The following NAALADL2 variants were observed in gnomAD, a reference collection of about 807,000 sequenced individuals.
The protein encoded by NAALADL2 is inactive N-acetylated-alpha-linked acidic dipeptidase-like protein 2.
In NAALADL2, 76 loss-of-function variants were observed where a neutral mutation model predicts 87.2. The ratio of observed to expected loss-of-function variants is 0.87; its 90% CI spans 0.72 to 1.05. The LOEUF (loss-of-function observed/expected upper bound fraction) is 1.05, where lower values mean the gene tolerates loss of function less well. Ranked by LOEUF, NAALADL2 falls within the 50% of genes least tolerant of loss-of-function variation. The probability of loss-of-function intolerance (pLI) is 0.00; values close to 1 mark genes in which losing one functional copy is unlikely to be tolerated. For synonymous variants in NAALADL2, 354 were observed against 331.0 expected, an observed-to-expected ratio of 1.07 and a Z score of -0.75; for missense variants, 1,089 against 945.8, an observed-to-expected ratio of 1.15 and a Z score of -1.99.
intron 9 of NAALADL2, among the ~76,000 whole-genome samples, chr3:175,502,410 C>A (rs752863489): frequency 1.3e-5 from 2 of 152,218 alleles, no homozygotes; most frequent in South Asian, 4.1e-4. Context: ...TGAGGCAATG[C>A]GACAAGTAAG....
In NAALADL2 at chr3:175,501,085, A is replaced by AG. The variant is rs1208662102; in HGVS notation, c.1653+29328dup. 2.6e-5 allele frequency among the ~76,000 whole-genome samples: 4 copies of AG among 152,236 alleles called. No individual in the cohort carries two copies. In the East Asian group the frequency reaches 7.7e-4, roughly 29 times the overall value. ...TAGGATGGTTTCTGTGATAATACAT[A>AG]GAAGAGGATTTTATAGGGGTAGATT... On this transcript the variant is annotated intron_variant, in intron 9 of 13. Transcript: ENST00000454872.
intron 1 of NAALADL2, among the ~76,000 whole-genome samples, chr3:175,037,930 A>G (rs1306651115): frequency 6.6e-6 from 1 of 152,150 alleles, no homozygotes; most frequent in Non-Finnish European, 1.5e-5. Flanking sequence ...CCTGGAAGGG[A>G]AAACCAAAGG....
chr3:175,447,113 G>C (rs1051905725), intron 5 of NAALADL2, 116 bp from the exon 6 acceptor site: 1 of 626,298 alleles, frequency 1.6e-6, no homozygotes, highest in Non-Finnish European at 2.7e-6. Context: ...AGATAAACAA[G>C]TGAATGAATA....
At chr3:175,569,529 G>A (rs62288400) in intron 9 of NAALADL2, among the ~76,000 whole-genome samples, 21,575 of 152,084 alleles carry the variant, frequency 0.14, 1,689 homozygotes, top group Middle Eastern at 0.17. Context: ...TGTTATTTGT[G>A]GGTGGGGCCT....
intron 1 of NAALADL2, among the ~76,000 whole-genome samples, chr3:174,936,844 AAG>A (rs1304231462): frequency 1.3e-5 from 2 of 152,258 alleles, no homozygotes; most frequent in African/African-American, 2.4e-5. Context: ...GCTGGAGAGA[AAG>A]AGAGTTTGCA....
At chr3:174,772,909 A>G (rs1714758703) in intron 3 of NAALADL2, among the ~76,000 whole-genome samples, 1 of 152,216 alleles carries the variant, frequency 6.6e-6, no homozygotes, top group Non-Finnish European at 1.5e-5. Context: ...TAATTCTAAA[A>G]GGTGTTAAAG....
At chr3:174,540,206 G>A (rs1212717846) in intron 1 of NAALADL2, among the ~76,000 whole-genome samples, 1 of 152,100 alleles carries the variant, frequency 6.6e-6, no homozygotes, top group Non-Finnish European at 1.5e-5. Context: ...AAGCAGATGA[G>A]GCCAGGTCTG....
intron 1 of NAALADL2, among the ~76,000 whole-genome samples, chr3:174,873,348 G>A (rs546986664): frequency 4.0e-5 from 6 of 151,804 alleles, no homozygotes; most frequent in East Asian, 1.9e-4. Flanking sequence ...TCCGCCTCCC[G>A]GGTTCAAGTG....
chr3:175,494,212 TTAAC>T (rs1214465035), intron 9 of NAALADL2, among the ~76,000 whole-genome samples: 4 of 152,218 alleles, frequency 2.6e-5, no homozygotes, highest in Admixed American at 1.3e-4. Context: ...ACTTAATATA[TTAAC>T]TATTTTCCCA....
At chr3:174,549,153 T>C (rs955607533) in intron 1 of NAALADL2, among the ~76,000 whole-genome samples, 3 of 152,224 alleles carry the variant, frequency 2.0e-5, no homozygotes, top group African/African-American at 7.2e-5. Flanking sequence ...CTAATGCATG[T>C]TTTAAACTTA....
intron 8 of NAALADL2, among the ~76,000 whole-genome samples, chr3:175,470,810 G>T (rs1724751583): frequency 6.6e-6 from 1 of 152,118 alleles, no homozygotes; most frequent in South Asian, 2.1e-4. Flanking sequence ...TGTAGCTTGT[G>T]TGCATGAAAT....
At chr3:174,743,563 GTTCT>G (rs1168680452) in intron 3 of NAALADL2, among the ~76,000 whole-genome samples, 1 of 151,766 alleles carries the variant, frequency 6.6e-6, no homozygotes, top group Non-Finnish European at 1.5e-5. Flanking sequence ...GATGTCATTA[GTTCT>G]TTCTTTTCTA....
At chr3:175,393,853 G>T (rs1769396972) in intron 5 of NAALADL2, among the ~76,000 whole-genome samples, 3 of 152,084 alleles carry the variant, frequency 2.0e-5, no homozygotes, top group Admixed American at 2.0e-4. Context: ...AAATGTCTTT[G>T]GTAGCTATGT....
chr3:174,815,834 T>G (rs58679581), intron 3 of NAALADL2, among the ~76,000 whole-genome samples: 32 of 94,854 alleles, frequency 3.4e-4, no homozygotes, highest in African/African-American at 1.7e-3. Context: ...ACTTTAGTTT[T>G]TTTTTTTTTT....
intron 12 of NAALADL2, among the ~76,000 whole-genome samples, chr3:175,749,562 A>G (rs1294026411): frequency 6.6e-6 from 1 of 152,068 alleles, no homozygotes; most frequent in African/African-American, 2.4e-5. Context: ...ACAAAGAGAG[A>G]GAACCCACTC....
At chr3:175,047,032 C>G (rs1304792068) in intron 1 of NAALADL2, among the ~76,000 whole-genome samples, 1 of 152,106 alleles carries the variant, frequency 6.6e-6, no homozygotes, top group Non-Finnish European at 1.5e-5. Context: ...ACTGTGTCCT[C>G]AGATGGTGGA....
At chr3:175,279,481 A>G (rs748857522) in intron 4 of NAALADL2, among the ~76,000 whole-genome samples, 2 of 151,842 alleles carry the variant, frequency 1.3e-5, no homozygotes, top group Non-Finnish European at 2.9e-5. Flanking sequence ...AATTAAAAAC[A>G]TGAGGTTTTT....
At chr3:174,907,772 T>C (rs973572941) in intron 1 of NAALADL2, among the ~76,000 whole-genome samples, 1 of 152,072 alleles carries the variant, frequency 6.6e-6, no homozygotes, top group African/African-American at 2.4e-5. Flanking sequence ...AGATGGGAGT[T>C]TGGCTCATTT....
chr3:174,529,928 C>T (rs1006365130), intron 1 of NAALADL2, among the ~76,000 whole-genome samples: 1 of 152,144 alleles, frequency 6.6e-6, no homozygotes, highest in African/African-American at 2.4e-5. Context: ...GCAAAGGTCT[C>T]TGACCTGCCT....
Sources: gnomAD v4.1 joint callset for allele counts (sites outside exome capture counted in the v4.1 genomes callset) on GRCh38, gnomAD v4.1.1 for gene constraint, MANE v1.5 for transcripts, NCBI Gene and HGNC (gene_info 2026-07-23, HGNC 2026-07-21) for gene names.